SLC12A1: variants seen among roughly 807,000 people sequenced by gnomAD.
SLC12A1 encodes Na-K-2Cl cotransporter.
Under a neutral mutation model 130.4 loss-of-function variants are expected in SLC12A1, and 89 were observed. The observed-to-expected ratio is 0.68, with a 90% CI of 0.58 to 0.81. SLC12A1 has a LOEUF of 0.81. Ranked by LOEUF, SLC12A1 falls within the 40% of genes least tolerant of loss-of-function variation. The pLI is 0.00. For missense variants in SLC12A1, 1,310 were observed against 1,336.4 expected (o/e 0.98, Z 0.31); for synonymous variants, 499 against 460.0 (o/e 1.08, Z -1.09).
chr15:48,286,399 T>A (rs147049887), intron 21 of SLC12A1, among the ~76,000 whole-genome samples: 2 of 152,268 alleles, frequency 1.3e-5, no homozygotes, highest in African/African-American at 4.8e-5. Context: ...ACTTTTAGGG[T>A]GAAAATATTT....
At chr15:48,249,030 G>T (rs1002688712) in intron 13 of SLC12A1, among the ~76,000 whole-genome samples, 2 of 152,116 alleles carry the variant, frequency 1.3e-5, no homozygotes, top group African/African-American at 4.8e-5. Flanking sequence ...ACAAGAGCTA[G>T]ACTCTATCTC....
intron 9 of SLC12A1, among the ~76,000 whole-genome samples, chr15:48,240,050 CATAT>C (rs374160430): frequency 2.6e-3 from 17 of 6,418 alleles, no homozygotes; most frequent in African/African-American, 5.1e-3. Context: ...TATATATATC[CATAT>C]ATATATATAT....
rs565939548 is a variant in SLC12A1, at chr15:48,269,898, T to A, written c.2402+134T>A. 4.3e-6 allele frequency: 2 copies of A among 461,370 alleles called. 1 individual carries two copies. Among genetic ancestry groups the A allele is most frequent in the Middle Eastern group, 7.1e-4 (2 of 2,828 alleles). 28.6% of individuals were successfully genotyped at this position (461,370 alleles called of 1,614,324 possible). On this transcript the variant is annotated intron_variant, in intron 19 of 26. Coordinates refer to ENST00000380993, the MANE Select transcript of SLC12A1 (RefSeq NM_000338.3). The stretch of plus-strand genomic sequence containing the variant: ...GAGTACATTCCCCTGGTACTCTGAC[T>A]TCTTTTCCAAGGTGAAAAAAACACC...
chr15:48,243,640 C>T (rs928111104), intron 10 of SLC12A1, among the ~76,000 whole-genome samples: 8 of 152,094 alleles, frequency 5.3e-5, no homozygotes, highest in African/African-American at 1.2e-4. Context: ...GGTGACAGAG[C>T]GAGACTCTGT....
intron 8 of SLC12A1, 125 bp from the exon 9 acceptor site, chr15:48,234,752 C>CAAAA: frequency 1.4e-6 from 1 of 714,882 alleles, no homozygotes. Flanking sequence ...GACTCTGTCT[C>CAAAA]AAAAAAAAAA....
intron 24 of SLC12A1, among the ~76,000 whole-genome samples, chr15:48,295,710 C>G (rs2042170881): frequency 6.6e-6 from 1 of 152,126 alleles, no homozygotes; most frequent in African/African-American, 2.4e-5. Context: ...AAAAAAAATC[C>G]ATTCTTACTG....
chr15:48,261,660 A>C (rs36057068), intron 17 of SLC12A1, among the ~76,000 whole-genome samples: 216 of 152,322 alleles, frequency 1.4e-3, no homozygotes, highest in African/African-American at 5.1e-3. Context: ...AGGGGGAGTA[A>C]GTATGCCATT....
At chr15:48,275,713 C>A (rs890957533) in intron 20 of SLC12A1, among the ~76,000 whole-genome samples, 1 of 152,080 alleles carries the variant, frequency 6.6e-6, no homozygotes. Flanking sequence ...CAACCAAAAG[C>A]AGATTCATGT....
rs115366387 is a variant in SLC12A1 at position 48,298,901 on chromosome 15, A to T, written c.2961-239A>T. 4.1e-3 allele frequency among the ~76,000 whole-genome samples: 630 copies of T among 152,350 alleles called. 7 individuals carry two copies. The highest frequency in any genetic ancestry group is 0.015 in the African/African-American group (609 of 41,590). On this transcript the variant is annotated intron_variant, in intron 24 of 26. Coordinates refer to ENST00000380993, the MANE Select transcript of SLC12A1 (RefSeq NM_000338.3). ...ATGCGTATGTGTGTTAATATTGAAG[A>T]TCTAATACCTAATAGGCTAACAAGG... is the stretch of plus-strand genomic sequence containing the variant.
At chr15:48,236,897 T>G in intron 9 of SLC12A1, 2 of 572,212 alleles carry the variant, frequency 3.5e-6, no homozygotes, top group Non-Finnish European at 6.2e-6. Flanking sequence ...ATATTGCTCT[T>G]TCTTTAGACT....
chr15:48,261,564 C>A (rs952976415), intron 17 of SLC12A1, among the ~76,000 whole-genome samples: 7 of 152,116 alleles, frequency 4.6e-5, no homozygotes, highest in Non-Finnish European at 7.4e-5. Flanking sequence ...TGTATGAGCT[C>A]CTGGGGCTGC....
At chr15:48,222,060 AG>A (rs2041222976) in intron 4 of SLC12A1, among the ~76,000 whole-genome samples, 1 of 152,218 alleles carries the variant, frequency 6.6e-6, no homozygotes, top group South Asian at 2.1e-4. Context: ...TTCCTGACAG[AG>A]GGCTGCTTGC....
At chr15:48,285,864 G>A (rs2042051007) in intron 21 of SLC12A1, among the ~76,000 whole-genome samples, 1 of 152,188 alleles carries the variant, frequency 6.6e-6, no homozygotes, top group Non-Finnish European at 1.5e-5. Context: ...TGATTCAAAC[G>A]TTTGGTTTTT....
At chr15:48,284,531 C>T (rs1000469967) in intron 20 of SLC12A1, among the ~76,000 whole-genome samples, 2 of 152,218 alleles carry the variant, frequency 1.3e-5, no homozygotes, top group African/African-American at 4.8e-5. Flanking sequence ...CTCTCTTGCC[C>T]TCACAAATAA....
chr15:48,208,614 C>T (rs566544131), intron 2 of SLC12A1, among the ~76,000 whole-genome samples: 1 of 152,270 alleles, frequency 6.6e-6, no homozygotes, highest in African/African-American at 2.4e-5. Flanking sequence ...TGCCCAGCTC[C>T]ACAAATGTTT....
intron 18 of SLC12A1, among the ~76,000 whole-genome samples, chr15:48,268,457 C>T (rs749842217): frequency 6.6e-6 from 1 of 152,116 alleles, no homozygotes; most frequent in Non-Finnish European, 1.5e-5. Context: ...GTGCATTTGG[C>T]TTTCAGAGTT....
intron 15 of SLC12A1, among the ~76,000 whole-genome samples, chr15:48,255,355 T>C (rs530888533): frequency 1.3e-5 from 2 of 151,778 alleles, no homozygotes; most frequent in South Asian, 2.1e-4. Context: ...GGAAAATCTC[T>C]TGAACCCGGG....
intron 7 of SLC12A1, among the ~76,000 whole-genome samples, chr15:48,230,894 C>T (rs2041367983): frequency 1.3e-5 from 2 of 152,168 alleles, no homozygotes. Flanking sequence ...ATAAGAGAGG[C>T]AAAAACTATC....
intron 26 of SLC12A1, 42 bp from the exon 27 acceptor site, chr15:48,302,708 A>C (rs201170180): frequency 2.7e-5 from 41 of 1,539,168 alleles, no homozygotes; most frequent in Non-Finnish European, 3.5e-5. Flanking sequence ...TACCTATAGT[A>C]ATTTTCACTT....
Sources: gnomAD v4.1 joint callset for allele counts (sites outside exome capture counted in the v4.1 genomes callset) on GRCh38, gnomAD v4.1.1 for gene constraint, MANE v1.5 for transcripts, NCBI Gene and HGNC (gene_info 2026-07-23, HGNC 2026-07-21) for gene names.